Variants in PATJ observed in about 807,000 individuals in gnomAD.
PATJ encodes the protein PATJ crumbs cell polarity complex component.
A neutral mutation model predicts 224.9 loss-of-function variants in PATJ; 190 were observed. That is an observed-to-expected ratio of 0.84 (90% CI 0.75 to 0.95). PATJ has a LOEUF of 0.95. Among genes scored for constraint, PATJ ranks in the 40% least tolerant of loss-of-function variants. The pLI is 0.00. For synonymous variants in PATJ, 769 were observed against 820.3 expected (o/e 0.94, Z 1.07); for missense variants, 2,121 against 2,270.3 (o/e 0.93, Z 1.34).
At chr1:61,752,948 G>C (rs917518407) in intron 1 of PATJ, among the ~76,000 whole-genome samples, 2 of 152,144 alleles carry the variant, frequency 1.3e-5, no homozygotes, top group African/African-American at 4.8e-5. Flanking sequence ...ATCTGCATTT[G>C]TATGGCAGCA....
chr1:61,780,298 T>C (rs1647177115), intron 7 of PATJ, among the ~76,000 whole-genome samples: 1 of 152,010 alleles, frequency 6.6e-6, no homozygotes, highest in African/African-American at 2.4e-5. Context: ...ACCCCGTCGC[T>C]ACTAAAAATA....
intron 1 of PATJ, among the ~76,000 whole-genome samples, chr1:61,745,733 A>G (rs1644989625): frequency 6.6e-6 from 1 of 150,548 alleles, no homozygotes; most frequent in Middle Eastern, 3.2e-3. Context: ...CTTCCCAAGT[A>G]GCTGGGATTA....
chr1:62,016,658 T>G (rs561845063), intron 28 of PATJ, among the ~76,000 whole-genome samples: 7 of 152,328 alleles, frequency 4.6e-5, no homozygotes, highest in African/African-American at 1.7e-4. Flanking sequence ...AAATGTTGTT[T>G]AGGTCATCTT....
intron 20 of PATJ, among the ~76,000 whole-genome samples, chr1:61,871,520 T>G (rs374407112): frequency 7.5e-6 from 1 of 132,576 alleles, no homozygotes; most frequent in Admixed American, 8.1e-5. Context: ...CGCATATATA[T>G]AAATATGTGT....
At chr1:62,026,502 A>G (rs1284368758) in intron 29 of PATJ, among the ~76,000 whole-genome samples, 9 of 140,444 alleles carry the variant, frequency 6.4e-5, no homozygotes, top group African/African-American at 1.7e-4. Context: ...GTGTGTGTGT[A>G]CATGCACCTA....
chr1:61,939,013 C>T (rs1677331307), intron 27 of PATJ, among the ~76,000 whole-genome samples: 1 of 147,260 alleles, frequency 6.8e-6, no homozygotes, highest in African/African-American at 2.5e-5. Context: ...GTCCCAGCTA[C>T]TTGGGAGGCT....
At chr1:61,943,852 A>C (rs569374881) in intron 27 of PATJ, among the ~76,000 whole-genome samples, 100 of 152,234 alleles carry the variant, frequency 6.6e-4, no homozygotes, top group African/African-American at 2.3e-3. Context: ...GGTGACTGAC[A>C]CCTCATACGG....
chr1:61,756,761 G>A (rs1469965391), intron 1 of PATJ, among the ~76,000 whole-genome samples: 1 of 151,702 alleles, frequency 6.6e-6, no homozygotes, highest in Non-Finnish European at 1.5e-5. Context: ...TATATTTTTA[G>A]TAGAGATGAG....
chr1:61,959,182 C>G (rs1052404693), intron 27 of PATJ, among the ~76,000 whole-genome samples: 1 of 151,898 alleles, frequency 6.6e-6, no homozygotes, highest in African/African-American at 2.4e-5. Flanking sequence ...GATGATACTT[C>G]ATATCAAAAT....
intron 27 of PATJ, among the ~76,000 whole-genome samples, chr1:61,980,717 C>G (rs1644407364): frequency 6.6e-6 from 1 of 152,044 alleles, no homozygotes; most frequent in Admixed American, 6.6e-5. Flanking sequence ...CTCCCAGCAG[C>G]CCTTAGAGCA....
intron 29 of PATJ, among the ~76,000 whole-genome samples, chr1:62,029,054 A>T (rs187275167): frequency 9.2e-5 from 14 of 152,146 alleles, no homozygotes; most frequent in Non-Finnish European, 1.9e-4. Context: ...TAATATGTCT[A>T]TCTTTATGCC....
chr1:61,804,384 G>C (rs1261248175), intron 12 of PATJ, among the ~76,000 whole-genome samples: 1 of 151,970 alleles, frequency 6.6e-6, no homozygotes, highest in African/African-American at 2.4e-5. Context: ...ATTAGTCTTA[G>C]TCACTGATTT....
chr1:62,063,453 CA>C, intron 31 of PATJ, among the ~76,000 whole-genome samples: 1 of 151,344 alleles, frequency 6.6e-6, no homozygotes, highest in East Asian at 1.9e-4. Flanking sequence ...CCTCTGGCTT[CA>C]TTTTTTTTTT....
At chr1:61,878,326 A>G (rs1383523878) in intron 21 of PATJ, among the ~76,000 whole-genome samples, 1 of 152,100 alleles carries the variant, frequency 6.6e-6, no homozygotes, top group African/African-American at 2.4e-5. Flanking sequence ...GAGGCCCTCA[A>G]GGATGGGAGC....
At chr1:61,810,525 T>C (rs912994194) in intron 14 of PATJ, among the ~76,000 whole-genome samples, 3 of 151,714 alleles carry the variant, frequency 2.0e-5, no homozygotes, top group Non-Finnish European at 4.4e-5. Context: ...AGTGAAACCC[T>C]GTCTCTACTA....
intron 14 of PATJ, among the ~76,000 whole-genome samples, chr1:61,819,625 C>T (rs992140527): frequency 1.0e-4 from 15 of 144,364 alleles, no homozygotes; most frequent in South Asian, 7.5e-4. Context: ...GGTGGGGGGG[C>T]GCGGGTGGGA....
At chr1:61,772,032 T>C (rs1398421963) in intron 6 of PATJ, among the ~76,000 whole-genome samples, 1 of 151,974 alleles carries the variant, frequency 6.6e-6, no homozygotes, top group Non-Finnish European at 1.5e-5. Context: ...CGTTTTACTT[T>C]TCATGGTTAA....
chr1:61,882,731 G>A (rs542724060), intron 21 of PATJ, among the ~76,000 whole-genome samples: 11 of 152,182 alleles, frequency 7.2e-5, no homozygotes, highest in African/African-American at 1.9e-4. Flanking sequence ...GATTACAGGC[G>A]TGCTCCACCA....
At chr1:62,008,146 C>T (rs1392216533) in intron 28 of PATJ, among the ~76,000 whole-genome samples, 1 of 152,046 alleles carries the variant, frequency 6.6e-6, no homozygotes, top group Non-Finnish European at 1.5e-5. Flanking sequence ...TTTAAAACCC[C>T]CTAAAGAGAG....
Sources: allele counts gnomAD v4.1 joint callset (sites outside exome capture counted in the v4.1 genomes callset), GRCh38; gene constraint gnomAD v4.1.1; transcripts MANE v1.5; gene names NCBI Gene and HGNC (gene_info 2026-07-23, HGNC 2026-07-21).